Variants in ALG13 observed in about 807,000 individuals in gnomAD.
ALG13 encodes the protein ALG13 UDP-N-acetylglucosaminyltransferase subunit, also known as UDP-N-acetylglucosamine transferase subunit ALG13.
ALG13 carries 11 observed loss-of-function variants against 87.8 expected under a neutral mutation model. The ratio of observed to expected loss-of-function variants is 0.13; its 90% CI spans 0.08 to 0.21. The LOEUF (loss-of-function observed/expected upper bound fraction) is 0.21. Ranked by LOEUF, ALG13 falls within the 10% of genes least tolerant of loss-of-function variation. The pLI, the probability that ALG13 is intolerant of heterozygous loss-of-function variation, is 1.00. For synonymous variants in ALG13, 320 were observed against 306.3 expected, an observed-to-expected ratio of 1.04 and a Z score of -0.47; for missense variants, 756 against 866.1, an observed-to-expected ratio of 0.87 and a Z score of 1.60.
At chrX:111,747,296 A>G (rs1352323946) in intron 24 of ALG13, among the ~76,000 whole-genome samples, 1 of 112,123 alleles carries the variant, frequency 8.9e-6, no homozygotes, top group Non-Finnish European at 1.9e-5. Context: ...CTTTTCCAGA[A>G]TGGCATATAG....
Position 111,709,034 on chromosome X carries a change from C to A in ALG13, c.820C>A (p.Gln274Lys). Residue 274 changes from glutamine to lysine, a missense_variant, in exon 5 of 27, where the codon CAA becomes AAA. By Grantham distance (53) the Gln-to-Lys change is moderately conservative. Coordinates refer to ENST00000394780, the MANE Select transcript of ALG13 (RefSeq NM_001099922.3). ...TGTCTCATATATGAGGGAAAATCAA[C>A]AAACTTTTGAGTCTGTAAGTAGAAT... ...ACVSYMRENQ[Q>K]TFESYVEGSF... 1 of 1,166,412 alleles carries A rather than the reference C, an allele frequency of 8.6e-7. No homozygotes were observed. Among genetic ancestry groups the A allele is most frequent in the Admixed American group, 2.3e-5 (1 of 43,468 alleles).
intron 8 of ALG13, among the ~76,000 whole-genome samples, chrX:111,713,988 G>A (rs1423019478): frequency 9.0e-6 from 1 of 111,710 alleles, no homozygotes; most frequent in African/African-American, 3.3e-5. Context: ...AGTTCTATAT[G>A]TCTTATTTCA....
intron 5 of ALG13, among the ~76,000 whole-genome samples, chrX:111,709,704 A>G (rs1939400999): frequency 9.3e-6 from 1 of 107,738 alleles, no homozygotes; most frequent in Non-Finnish European, 1.9e-5. Flanking sequence ...TTTTTTAAAC[A>G]CTTCTGGCCC....
At chrX:111,754,956 T>C (rs1212952892) in intron 25 of ALG13, among the ~76,000 whole-genome samples, 15 of 112,036 alleles carry the variant, frequency 1.3e-4, no homozygotes. Context: ...AGAGTCCATA[T>C]AGCCAAGACA....
chrX:111,725,083 ATTTTGTTT>A, intron 15 of ALG13, 22 bp downstream of exon 15: 2 of 1,205,858 alleles, frequency 1.7e-6, no homozygotes, highest in Non-Finnish European at 2.2e-6. Flanking sequence ...AAAGGTTGTT[ATTTTGTTT>A]TTCCCTTCCT....
intron 5 of ALG13, among the ~76,000 whole-genome samples, chrX:111,710,758 A>G (rs914522581): frequency 2.9e-4 from 32 of 112,006 alleles, no homozygotes; most frequent in Non-Finnish European, 4.1e-4. Flanking sequence ...GTGCAGTGGC[A>G]CGATCTCGGC....
chrX:111,736,106 C>T (rs1429717737), intron 22 of ALG13, among the ~76,000 whole-genome samples: 1 of 111,108 alleles, frequency 9.0e-6, no homozygotes, highest in Non-Finnish European at 1.9e-5. Context: ...GGGTTCAACA[C>T]CAGCCTTGGC....
At chrX:111,687,133 C>T (rs1935163672) in intron 3 of ALG13, among the ~76,000 whole-genome samples, 2 of 111,170 alleles carry the variant, frequency 1.8e-5, no homozygotes, top group African/African-American at 6.6e-5. Flanking sequence ...TTAGTAGAGA[C>T]GGGGTTTCTC....
intron 3 of ALG13, 85 bp from the exon 4 acceptor site, chrX:111,707,942 G>T: frequency 9.9e-7 from 1 of 1,007,612 alleles, no homozygotes. Context: ...GTAACTCTAA[G>T]TACTTTCTCC....
In ALG13 at chrX:111,727,442, C is replaced by A; in HGVS notation, c.2087C>A (p.Ser696Tyr). Reference sequence around the variant, plus strand: ...AGCTATGATAACTTCTCTTATAGATCTCGGTAAGTATTGTGTTGAAAGTCA... The same window carrying A: ...AGCTATGATAACTTCTCTTATAGATATCGGTAAGTATTGTGTTGAAAGTCA... ...CQSYDNFSYRSRSFRRSHRQM... is the reference protein window; with the variant it reads ...CQSYDNFSYRYRSFRRSHRQM... The change falls in exon 17 of 27, where the codon TCT (serine) becomes TAT (tyrosine). Residue 696 changes from serine to tyrosine, a missense_variant. Transcript: ENST00000394780. 1 of 1,190,715 alleles carries A rather than the reference C, an allele frequency of 8.4e-7. No individual in the cohort carries two copies. Among genetic ancestry groups the A allele is most frequent in the Non-Finnish European group, 1.1e-6 (1 of 878,849 alleles).
At position 111,708,175 on chromosome X, in the gene ALG13, A is replaced by G. The variant is rs754377859; in HGVS notation, c.532A>G (p.Thr178Ala). ...GCATAAGCAAGCCCTTGTTACTGCT[A>G]CCCATCCTACCTGCACCCTGCTTTT... ...YLHKQALVTA[T>A]HPTCTLLFPS... Residue 178 changes from threonine to alanine, a missense_variant, in exon 4 of 27, where the codon ACC becomes GCC. Thr to Ala is a moderately conservative substitution (Grantham distance 58, BLOSUM62 0). Transcript: ENST00000394780. The G allele has an allele frequency of 8.3e-6, 10 of 1,211,179 alleles. No individual in the cohort carries two copies. The highest frequency in any genetic ancestry group is 7.0e-5 in the South Asian group (4 of 56,958).
At chrX:111,749,115 AC>A (rs1406410300) in intron 24 of ALG13, among the ~76,000 whole-genome samples, 1 of 110,475 alleles carries the variant, frequency 9.1e-6, no homozygotes, top group African/African-American at 3.3e-5. Context: ...ACAACAAAAA[AC>A]CTTGGCCTTA....
At chrX:111,732,356 C>T (rs1367545132) in intron 21 of ALG13, among the ~76,000 whole-genome samples, 2 of 111,894 alleles carry the variant, frequency 1.8e-5, no homozygotes, top group African/African-American at 6.5e-5. Context: ...GTTAACAACC[C>T]CCCAAAATCT....
chrX:111,740,055 C>T (rs1239198500), intron 23 of ALG13, among the ~76,000 whole-genome samples: 2 of 111,247 alleles, frequency 1.8e-5, no homozygotes, highest in Non-Finnish European at 3.8e-5. Flanking sequence ...GTATTAAATA[C>T]ATAGTTACCT....
At chrX:111,740,445 A>G (rs980589839) in intron 23 of ALG13, among the ~76,000 whole-genome samples, 32 of 111,464 alleles carry the variant, frequency 2.9e-4, no homozygotes, top group African/African-American at 1.0e-3. Context: ...TTAAATATAT[A>G]TATATGTTTC....
intron 2 of ALG13, 74 bp downstream of exon 2, chrX:111,682,368 G>A: frequency 3.4e-6 from 3 of 880,222 alleles, no homozygotes; most frequent in Non-Finnish European, 4.6e-6. Context: ...TATTCTGGGG[G>A]TACATGTGCA....
intron 2 of ALG13, 91 bp from the exon 3 acceptor site, chrX:111,684,874 G>A: frequency 1.1e-6 from 1 of 930,589 alleles, no homozygotes; most frequent in Non-Finnish European, 1.5e-6. Flanking sequence ...GTCAACTTAA[G>A]TTTTTTAACT....
chrX:111,736,804 A>T lies in ALG13; in HGVS notation c.2620A>T (p.Ile874Phe), dbSNP rs1943285695. The change falls in exon 23 of 27, where the codon ATT becomes TTT. Residue 874 changes from isoleucine (I) to phenylalanine (F), a missense_variant. Transcript: ENST00000394780. ...LSNGAAANQA[I>F]STTSVSSQNA... Reference sequence around the variant, plus strand: ...TAACGGTGCAGCGGCTAATCAAGCTATTAGTACCACTTCAGTTTCCTCACA... The same window carrying T: ...TAACGGTGCAGCGGCTAATCAAGCTTTTAGTACCACTTCAGTTTCCTCACA... 8.3e-7 allele frequency: 1 copy of T among 1,208,441 alleles called. No homozygotes were observed. Among genetic ancestry groups the T allele is most frequent in the Admixed American group, 2.2e-5 (1 of 45,648 alleles).
chrX:111,750,656 C>T (rs758648404), intron 24 of ALG13, among the ~76,000 whole-genome samples: 26 of 108,819 alleles, frequency 2.4e-4, no homozygotes, highest in African/African-American at 7.0e-4. Context: ...TGTTTATTTA[C>T]TTATTTATTT....
Sources: gnomAD v4.1 joint callset for allele counts (sites outside exome capture counted in the v4.1 genomes callset) on GRCh38, gnomAD v4.1.1 for gene constraint, MANE v1.5 for transcripts, NCBI Gene and HGNC (gene_info 2026-07-23, HGNC 2026-07-21) for gene names.